Variants in FLI1 observed in about 807,000 individuals in gnomAD.
FLI1 encodes Fli-1 proto-oncogene, ETS transcription factor.
A neutral mutation model predicts 53.1 loss-of-function variants in FLI1; 13 were observed. The observed-to-expected ratio is 0.24, with a 90% CI of 0.16 to 0.39. FLI1 has a LOEUF of 0.39. Among genes scored for constraint, FLI1 ranks in the 10% least tolerant of loss-of-function variants. The pLI, the probability that FLI1 is intolerant of heterozygous loss-of-function variation, is 1.00. For missense variants in FLI1, 424 were observed against 600.5 expected, an observed-to-expected ratio of 0.71 and a Z score of 3.07; for synonymous variants, 244 against 236.7, an observed-to-expected ratio of 1.03 and a Z score of -0.28.
chr11:128,728,803 A>G (rs1458557031), intron 1 of FLI1, among the ~76,000 whole-genome samples: 3 of 152,240 alleles, frequency 2.0e-5, no homozygotes, highest in Non-Finnish European at 4.4e-5. Context: ...CCTTGGCTAC[A>G]TCAAGTCCAG....
Position 128,694,188 on chromosome 11 carries a change from G to C in FLI1, c.-71G>C. ...GAGGCCGCGCCGGGCTAATCCGAAG[G>C]GGCTGCGAGGTCAGGCTGTAACCGG... On this transcript the variant is annotated 5_prime_UTR_variant, in exon 1 of 9. Coordinates refer to ENST00000527786, the MANE Select transcript of FLI1 (RefSeq NM_002017.5). The C allele has an allele frequency of 1.3e-6, 2 of 1,496,082 alleles. No homozygotes were observed. Among genetic ancestry groups the C allele is most frequent in the Non-Finnish European group, 1.8e-6 (2 of 1,122,230 alleles). 92.7% of individuals were successfully genotyped at this position (1,496,082 alleles called of 1,614,324 possible).
rs766077047 is a variant in FLI1 at position 128,698,733 on chromosome 11, T to TGTGAGA, written c.18+4458_18+4459insTGAGAG. Among the ~76,000 whole-genome samples the TGTGAGA allele has an allele frequency of 3.0e-5, 4 of 133,726 alleles. No homozygotes were observed. In the South Asian group the frequency reaches 7.2e-4, roughly 24 times the overall value. The allele number at this position is 133,726 out of a possible 152,430, so 87.7% of individuals were successfully genotyped here. A position where few individuals can be genotyped will look rare whatever the true frequency, so the allele number is the denominator to read the frequency against. ...TTGCGTGTGTGTGTGTGTGTGTGTG[T>TGTGAGA]GAGAGAGAGAGAGAGAGAGAGAAGT... On this transcript the variant is annotated intron_variant, in intron 1 of 8. Coordinates refer to ENST00000527786, the MANE Select transcript of FLI1 (RefSeq NM_002017.5).
intron 1 of FLI1, among the ~76,000 whole-genome samples, chr11:128,732,238 C>G (rs1252943030): frequency 6.6e-6 from 1 of 152,206 alleles, no homozygotes; most frequent in Admixed American, 6.5e-5. Context: ...CCAGATTATT[C>G]TCCAGCTATC....
At chr11:128,709,660 A>C (rs962946232) in intron 1 of FLI1, among the ~76,000 whole-genome samples, 3 of 152,204 alleles carry the variant, frequency 2.0e-5, no homozygotes, top group Non-Finnish European at 2.9e-5. Flanking sequence ...GTTGTGTCAA[A>C]CAGAAAACAC....
At chr11:128,711,608 C>T (rs1271442524) in intron 1 of FLI1, among the ~76,000 whole-genome samples, 2 of 152,218 alleles carry the variant, frequency 1.3e-5, no homozygotes, top group African/African-American at 4.8e-5. Flanking sequence ...GGGCTTTGCC[C>T]TATACCTTTT....
chr11:128,777,796 C>CA (rs1298346347), intron 4 of FLI1, among the ~76,000 whole-genome samples: 1 of 152,240 alleles, frequency 6.6e-6, no homozygotes, highest in Non-Finnish European at 1.5e-5. Flanking sequence ...ATTCTATGGT[C>CA]ACAGCGAGGC....
rs61050928 is a variant in FLI1, at chr11:128,784,220, TCTCCTCCTCCTC to T, written c.655+2236_655+2247del. 2.7e-3 allele frequency among the ~76,000 whole-genome samples: 317 copies of T among 117,996 alleles called. 4 individuals are homozygous for T. The highest frequency in any genetic ancestry group is 4.6e-3 in the Middle Eastern group (1 of 216). 77.4% of individuals were successfully genotyped at this position (117,996 alleles called of 152,430 possible). A position where few individuals can be genotyped will look rare whatever the true frequency, so the allele number is the denominator to read the frequency against. The stretch of plus-strand genomic sequence containing the variant: ...CCAAGTTGAAATGTGTTGCTAACCA[TCTCCTCCTCCTC>T]CTCCTCCTCCTCCTCCTCCTCCTCC... On this transcript the variant is annotated intron_variant, in intron 5 of 8. Transcript: ENST00000527786.
chr11:128,757,833 C>CT (rs1324017671), intron 1 of FLI1, among the ~76,000 whole-genome samples: 4 of 152,228 alleles, frequency 2.6e-5, no homozygotes, highest in Non-Finnish European at 4.4e-5. Flanking sequence ...CCCCACCCTC[C>CT]TTTTTGGGGG....
At chr11:128,805,066 T>G (rs1381911852) in intron 5 of FLI1, 1 of 308,216 alleles carries the variant, frequency 3.2e-6, no homozygotes, top group African/African-American at 2.2e-5. Flanking sequence ...AGAGGAGACT[T>G]TTGATTCATC....
rs562933107 is a variant in FLI1 at position 128,799,301 on chromosome 11, C to T, written c.656-6065C>T. Among the ~76,000 whole-genome samples, 21 of 152,192 alleles carry T rather than the reference C, an allele frequency of 1.4e-4. No homozygotes were observed. In the South Asian group the frequency reaches 4.1e-3, roughly 30 times the overall value. ...CATCCTTTATAGCCCTCAGGCTTCT[C>T]TTCCTTTTCAAGGCCTTCCTCAATG... is the stretch of plus-strand genomic sequence containing the variant. On this transcript the variant is annotated intron_variant, in intron 5 of 8. Coordinates refer to ENST00000527786, the MANE Select transcript of FLI1 (RefSeq NM_002017.5).
intron 2 of FLI1, among the ~76,000 whole-genome samples, chr11:128,763,852 C>A (rs1218272675): frequency 6.6e-6 from 1 of 152,202 alleles, no homozygotes; most frequent in Admixed American, 6.5e-5. Flanking sequence ...ATAAGTGATG[C>A]TTTTTCTTTT....
chr11:128,785,323 G>A (rs2135871997), intron 5 of FLI1, among the ~76,000 whole-genome samples: 1 of 152,082 alleles, frequency 6.6e-6, no homozygotes, highest in Non-Finnish European at 1.5e-5. Context: ...CACATGCTTT[G>A]CTTTGGAGCC....
At chr11:128,732,631 C>G (rs1466812507) in intron 1 of FLI1, among the ~76,000 whole-genome samples, 1 of 152,164 alleles carries the variant, frequency 6.6e-6, no homozygotes, top group Non-Finnish European at 1.5e-5. Flanking sequence ...CGGATAGATA[C>G]AAGCCTGGGA....
chr11:128,687,912 A>T (rs1376921410), intron 1 of FLI1, among the ~76,000 whole-genome samples: 2 of 152,240 alleles, frequency 1.3e-5, no homozygotes, highest in Admixed American at 6.5e-5. Context: ...TTCATGTAGC[A>T]ATAACCAGTG....
chr11:128,704,822 C>T (rs752498909), intron 1 of FLI1, among the ~76,000 whole-genome samples: 10 of 152,174 alleles, frequency 6.6e-5, no homozygotes, highest in Admixed American at 3.3e-4. Context: ...AAGAGATGCT[C>T]ATCTTTCATC....
upstream of FLI1, among the ~76,000 whole-genome samples, chr11:128,691,195 G>T (rs1937725512): frequency 6.6e-6 from 1 of 152,216 alleles, no homozygotes; most frequent in South Asian, 2.1e-4. Flanking sequence ...GAGCTGCCAG[G>T]ATCAAACCAT....
rs191176560 is a variant in FLI1 at position 128,789,252 on chromosome 11, T to G, written c.655+7229T>G. 2.0e-5 allele frequency among the ~76,000 whole-genome samples: 3 copies of G among 152,258 alleles called. No homozygotes were observed. In the East Asian group the frequency reaches 5.8e-4, roughly 29 times the overall value. Reference sequence around the variant, plus strand: ...ATAACTGAGGCCTGGGTGTTTGATGTGGGTTTCAGGAAGACACCCTGGGGT... The same window carrying G: ...ATAACTGAGGCCTGGGTGTTTGATGGGGGTTTCAGGAAGACACCCTGGGGT... On this transcript the variant is annotated intron_variant, in intron 5 of 8. Coordinates refer to ENST00000527786, the MANE Select transcript of FLI1 (RefSeq NM_002017.5).
chr11:128,752,467 T>C (rs1940689544), intron 1 of FLI1, among the ~76,000 whole-genome samples: 1 of 152,232 alleles, frequency 6.6e-6, no homozygotes, highest in African/African-American at 2.4e-5. Flanking sequence ...GAAGCTTGGA[T>C]AGAAACTCAA....
At chr11:128,778,879 A>C (rs1413426048) in intron 4 of FLI1, among the ~76,000 whole-genome samples, 1 of 152,210 alleles carries the variant, frequency 6.6e-6, no homozygotes, top group Non-Finnish European at 1.5e-5. Flanking sequence ...CAAGTTCCTT[A>C]AGAAAACAGA....
Sources: gnomAD v4.1 joint callset for allele counts (sites outside exome capture counted in the v4.1 genomes callset) on GRCh38, gnomAD v4.1.1 for gene constraint, MANE v1.5 for transcripts, NCBI Gene and HGNC (gene_info 2026-07-23, HGNC 2026-07-21) for gene names.